The following GAS2 variants were observed in gnomAD, a reference collection of about 807,000 sequenced individuals.
The protein encoded by GAS2 is growth arrest-specific protein 2.
Under a neutral mutation model 37.5 loss-of-function variants are expected in GAS2, and 20 were observed. That is an observed-to-expected ratio of 0.53 (90% CI 0.37 to 0.77). The LOEUF (loss-of-function observed/expected upper bound fraction) is 0.77. Among genes scored for constraint, GAS2 ranks in the 30% least tolerant of loss-of-function variants. The pLI is 0.00. For synonymous variants in GAS2, 144 were observed against 132.2 expected, an observed-to-expected ratio of 1.09 and a Z score of -0.61; for missense variants, 336 against 373.4, an observed-to-expected ratio of 0.90 and a Z score of 0.82.
At chr11:22,634,447 G>A (rs971363942) in intron 1 of GAS2, among the ~76,000 whole-genome samples, 9 of 152,116 alleles carry the variant, frequency 5.9e-5, no homozygotes, top group African/African-American at 2.2e-4. Flanking sequence ...TGGAGTAGAG[G>A]CACAAACTTT....
At chr11:22,759,214 C>T (rs1215516693) in intron 7 of GAS2, among the ~76,000 whole-genome samples, 9 of 152,120 alleles carry the variant, frequency 5.9e-5, no homozygotes, top group African/African-American at 2.2e-4. Context: ...CAGAGAATAT[C>T]TTTACTAAGC....
intron 1 of GAS2, among the ~76,000 whole-genome samples, chr11:22,644,081 G>A (rs987041229): frequency 2.0e-5 from 3 of 152,072 alleles, no homozygotes; most frequent in Non-Finnish European, 4.4e-5. Context: ...TTACCTGCAT[G>A]TAGATATGTA....
At chr11:22,806,517 G>T (rs537904125) in intron 7 of GAS2, among the ~76,000 whole-genome samples, 58 of 151,918 alleles carry the variant, frequency 3.8e-4, no homozygotes, top group African/African-American at 1.4e-3. Flanking sequence ...ATATTTTGAG[G>T]AATCTTTATG....
At position 22,795,820 on chromosome 11, in the gene GAS2, C is replaced by T. The variant is rs549753093; in HGVS notation, c.724-15978C>T. 5.0e-3 allele frequency among the ~76,000 whole-genome samples: 763 copies of T among 152,208 alleles called. 9 individuals are homozygous for T. The highest frequency in any genetic ancestry group is 0.016 in the African/African-American group (669 of 41,540). ...CTCTAGTTGCTCCATTGAGAAAACA[C>T]TGGGTGGCAAAAGTGAAAGCTCAAA... On this transcript the variant is annotated intron_variant, in intron 7 of 7. Coordinates refer to ENST00000454584, the MANE Select transcript of GAS2 (RefSeq NM_001143830.3).
intron 1 of GAS2, among the ~76,000 whole-genome samples, chr11:22,633,117 G>A (rs1276393785): frequency 2.6e-5 from 4 of 152,082 alleles, no homozygotes; most frequent in South Asian, 2.1e-4. Context: ...TCTTTGTGGT[G>A]TTATAGAATC....
chr11:22,713,861 T>A (rs181311182), intron 3 of GAS2, among the ~76,000 whole-genome samples: 1 of 152,090 alleles, frequency 6.6e-6, no homozygotes, highest in East Asian at 1.9e-4. Flanking sequence ...GAGTCCTAAA[T>A]CTTGAAACAA....
intron 7 of GAS2, among the ~76,000 whole-genome samples, chr11:22,773,386 C>CTTT (rs34014416): frequency 6.2e-5 from 4 of 64,956 alleles, no homozygotes; most frequent in African/African-American, 1.1e-4. Context: ...ACACCTCAAT[C>CTTT]TTTTTTTTTT....
intron 3 of GAS2, among the ~76,000 whole-genome samples, chr11:22,702,787 A>G (rs907656033): frequency 6.6e-6 from 1 of 152,102 alleles, no homozygotes; most frequent in Non-Finnish European, 1.5e-5. Context: ...GTCTAGCCCT[A>G]TTCTGTACTC....
At chr11:22,754,567 C>T (rs375322929) in intron 6 of GAS2, among the ~76,000 whole-genome samples, 8 of 151,694 alleles carry the variant, frequency 5.3e-5, no homozygotes, top group South Asian at 2.1e-4. Context: ...ATTGTACATG[C>T]GATAAATTTA....
chr11:22,805,865 G>T (rs1225852281), intron 7 of GAS2, among the ~76,000 whole-genome samples: 1 of 152,036 alleles, frequency 6.6e-6, no homozygotes, highest in African/African-American at 2.4e-5. Context: ...TCCTGATGTT[G>T]CCATGGCATC....
intron 3 of GAS2, among the ~76,000 whole-genome samples, chr11:22,707,860 G>A (rs375798228): frequency 6.6e-6 from 1 of 152,144 alleles, no homozygotes; most frequent in South Asian, 2.1e-4. Flanking sequence ...CATTGAGCTG[G>A]AGAATGAGAA....
At chr11:22,776,712 C>T (rs1855278766) in intron 7 of GAS2, among the ~76,000 whole-genome samples, 1 of 152,076 alleles carries the variant, frequency 6.6e-6, no homozygotes, top group African/African-American at 2.4e-5. Flanking sequence ...ACAATTGTTG[C>T]CCTGTAGTTG....
At chr11:22,728,509 A>G (rs1268894264) in intron 4 of GAS2, among the ~76,000 whole-genome samples, 1 of 151,532 alleles carries the variant, frequency 6.6e-6, no homozygotes, top group Non-Finnish European at 1.5e-5. Flanking sequence ...ATATTCTGAC[A>G]TTATAAAAAG....
At chr11:22,696,153 T>C (rs1210881063) in intron 3 of GAS2, among the ~76,000 whole-genome samples, 1 of 143,192 alleles carries the variant, frequency 7.0e-6, no homozygotes, top group Admixed American at 7.3e-5. Context: ...CCATGTGTTC[T>C]CATTGTTCAG....
At chr11:22,649,508 G>C (rs1011436881) in intron 1 of GAS2, among the ~76,000 whole-genome samples, 1 of 151,946 alleles carries the variant, frequency 6.6e-6, no homozygotes, top group Non-Finnish European at 1.5e-5. Context: ...GTTCCTCCTT[G>C]TACCTCTGGT....
upstream of GAS2, among the ~76,000 whole-genome samples, chr11:22,666,120 A>G (rs924987170): frequency 6.6e-6 from 1 of 152,238 alleles, no homozygotes; most frequent in Admixed American, 6.5e-5. Flanking sequence ...TACACGTACT[A>G]ATAAACAACA....
chr11:22,666,999 G>T, intron 1 of GAS2, 100 bp downstream of exon 1: 1 of 152,424 alleles, frequency 6.6e-6, no homozygotes, highest in African/African-American at 2.4e-5. Flanking sequence ...TACTGCACCC[G>T]GGGCGGCGGG....
intron 1 of GAS2, among the ~76,000 whole-genome samples, chr11:22,660,169 G>C (rs12288960): frequency 0.015 from 2,303 of 152,238 alleles, 79 homozygotes; most frequent in African/African-American, 0.052. Flanking sequence ...TTTGATACAA[G>C]TGCCTAACAC....
chr11:22,635,092 A>T (rs1172281022), intron 1 of GAS2, among the ~76,000 whole-genome samples: 1 of 152,094 alleles, frequency 6.6e-6, no homozygotes, highest in Non-Finnish European at 1.5e-5. Flanking sequence ...AGTGATAGTG[A>T]TGGGATTTGT....
Sources: allele counts gnomAD v4.1 joint callset (sites outside exome capture counted in the v4.1 genomes callset), GRCh38; gene constraint gnomAD v4.1.1; transcripts MANE v1.5; gene names NCBI Gene and HGNC (gene_info 2026-07-23, HGNC 2026-07-21).